The following DMXL1 variants were observed in gnomAD, a reference collection of about 807,000 sequenced individuals.
The protein encoded by DMXL1 is dmX-like protein 1.
A neutral mutation model predicts 319.2 loss-of-function variants in DMXL1; 99 were observed. The observed-to-expected ratio is 0.31, with a 90% CI of 0.26 to 0.37. The LOEUF (loss-of-function observed/expected upper bound fraction) is 0.37. DMXL1 is among the 10% of genes least tolerant of loss of function. DMXL1 has a pLI of 1.00. For synonymous variants in DMXL1, 1,385 were observed against 1,235.2 expected, an observed-to-expected ratio of 1.12 and a Z score of -2.54; for missense variants, 3,745 against 3,595.6, an observed-to-expected ratio of 1.04 and a Z score of -1.06.
At chr5:119,132,388 T>C (rs1278502480) in intron 10 of DMXL1, among the ~76,000 whole-genome samples, 2 of 152,090 alleles carry the variant, frequency 1.3e-5, no homozygotes, top group Non-Finnish European at 2.9e-5. Flanking sequence ...ATTAAGAAAG[T>C]TACATAACTT....
chr5:119,096,940 C>G (rs1756107660), intron 1 of DMXL1, among the ~76,000 whole-genome samples: 1 of 152,116 alleles, frequency 6.6e-6, no homozygotes, highest in African/African-American at 2.4e-5. Flanking sequence ...TGGAATTTAA[C>G]TTTTAATAAT....
chr5:119,177,280 C>A, intron 26 of DMXL1, 77 bp from the exon 27 acceptor site: 1 of 1,043,132 alleles, frequency 9.6e-7, no homozygotes, highest in Non-Finnish European at 1.3e-6. Context: ...AAAATTGATA[C>A]TCTTGAAAGT....
chr5:119,108,912 C>T lies in DMXL1; in HGVS notation c.365-1239C>T, dbSNP rs1758947333. On this transcript the variant is annotated intron_variant, in intron 4 of 43. Transcript: ENST00000539542. ...TGCCTCCCGGGTTCAAGTGATTCTC[C>T]TGCCTCAGCCTCCTGAGTAGCTGGG... 2.0e-5 allele frequency among the ~76,000 whole-genome samples: 3 copies of T among 152,158 alleles called. No individual in the cohort carries two copies. In the South Asian group the frequency reaches 6.2e-4, roughly 32 times the overall value.
chr5:119,137,226 A>T (rs966992684), intron 13 of DMXL1, among the ~76,000 whole-genome samples: 1 of 152,202 alleles, frequency 6.6e-6, no homozygotes, highest in South Asian at 2.1e-4. Flanking sequence ...TCAGACTTGC[A>T]TGGGGCTTAT....
intron 10 of DMXL1, among the ~76,000 whole-genome samples, chr5:119,130,103 A>C (rs1764507404): frequency 6.7e-6 from 1 of 149,942 alleles, no homozygotes; most frequent in Non-Finnish European, 1.5e-5. Flanking sequence ...TTTTTTTTTA[A>C]AGTTTTGTTT....
rs544079959 is a variant in DMXL1, at chr5:119,084,128, C to CTT, written c.87+12481_87+12482dup. Among the ~76,000 whole-genome samples, 588 of 147,862 alleles carry CTT rather than the reference C, an allele frequency of 4.0e-3. 10 individuals carry two copies. The highest frequency in any genetic ancestry group is 0.027 in the South Asian group (127 of 4,666). ...TGTTCATGTATTCCCCCCCTCACCCCTTTTTTTTTTAAGACGGAGTCTTGT... is the reference window on the plus strand; with the variant it reads ...TGTTCATGTATTCCCCCCCTCACCCCTTTTTTTTTTTTAAGACGGAGTCTTGT... On this transcript the variant is annotated intron_variant, in intron 1 of 43. Coordinates refer to ENST00000539542, the MANE Select transcript of DMXL1 (RefSeq NM_001290321.3).
In DMXL1 at chr5:119,092,921, C is replaced by A. The variant is rs1755110996; in HGVS notation, c.88-5058C>A. Among the ~76,000 whole-genome samples, 3 of 152,226 alleles carry A rather than the reference C, an allele frequency of 2.0e-5. 1 individual carries two copies. The highest frequency in any genetic ancestry group is 6.8e-3 in the Middle Eastern group (2 of 294). ...CAGTTGATGGACATTTGAGTTGTTT[C>A]CCTTTGTGGCCATTATGAATAATGC... On this transcript the variant is annotated intron_variant, in intron 1 of 43. Transcript: ENST00000539542.
At chr5:119,242,474 A>G (rs945142588) in intron 42 of DMXL1, among the ~76,000 whole-genome samples, 2 of 152,246 alleles carry the variant, frequency 1.3e-5, no homozygotes, top group Admixed American at 6.5e-5. Flanking sequence ...AAGAAGATCT[A>G]AATAAATGAG....
intron 32 of DMXL1, among the ~76,000 whole-genome samples, chr5:119,202,885 T>TATATATATA (rs1554139437): frequency 4.6e-5 from 6 of 130,786 alleles, no homozygotes; most frequent in Non-Finnish European, 6.3e-5. Flanking sequence ...ATATATATTT[T>TATATATATA]TATATATATA....
At chr5:119,173,776 G>GTGTGTATATGTATATATATATATATA in intron 25 of DMXL1, among the ~76,000 whole-genome samples, 2 of 67,170 alleles carry the variant, frequency 3.0e-5, no homozygotes, top group African/African-American at 1.1e-4. Context: ...ATGTGTGTGT[G>GTGTGTATATGTATATATATATATATA]TATATATATA....
In DMXL1 at chr5:119,087,862, C is replaced by T. The variant is rs189665529; in HGVS notation, c.88-10117C>T. ...TGTTGCCCAGGCTGGAGTGCAATGG[C>T]GCTATCTCTGCTAACTGCACCCTCT... On this transcript the variant is annotated intron_variant, in intron 1 of 43. Transcript: ENST00000539542. 2.1e-3 allele frequency among the ~76,000 whole-genome samples: 325 copies of T among 152,052 alleles called. 1 individual carries two copies. The highest frequency in any genetic ancestry group is 5.8e-3 in the South Asian group (28 of 4,818).
chr5:119,134,906 C>T (rs537875413), intron 13 of DMXL1, among the ~76,000 whole-genome samples: 3 of 152,314 alleles, frequency 2.0e-5, no homozygotes, highest in East Asian at 3.9e-4. Context: ...AACAAGCAAG[C>T]GTTTCCACTT....
intron 37 of DMXL1, among the ~76,000 whole-genome samples, chr5:119,222,992 A>G (rs1784897300): frequency 6.7e-6 from 1 of 148,486 alleles, no homozygotes; most frequent in South Asian, 2.1e-4. Flanking sequence ...CAGTCACCTT[A>G]TATTTTATCA....
intron 37 of DMXL1, among the ~76,000 whole-genome samples, chr5:119,222,064 A>G (rs776780516): frequency 3.9e-5 from 6 of 152,140 alleles, no homozygotes; most frequent in Non-Finnish European, 8.8e-5. Context: ...ATTATTTTTC[A>G]TTAATTAGTA....
intron 37 of DMXL1, among the ~76,000 whole-genome samples, chr5:119,221,894 C>G (rs958432207): frequency 2.6e-5 from 4 of 151,026 alleles, no homozygotes; most frequent in African/African-American, 9.7e-5. Flanking sequence ...CTTTTTTAGC[C>G]CTGATTACCT....
intron 32 of DMXL1, among the ~76,000 whole-genome samples, chr5:119,201,190 T>C (rs977410753): frequency 3.0e-4 from 45 of 152,302 alleles, no homozygotes; most frequent in African/African-American, 1.0e-3. Flanking sequence ...TTCAGTATGA[T>C]GTTGGCTGTG....
chr5:119,108,526 T>G (rs555346607), intron 4 of DMXL1, among the ~76,000 whole-genome samples: 12 of 152,192 alleles, frequency 7.9e-5, no homozygotes, highest in African/African-American at 2.4e-4. Flanking sequence ...CAGGCTTGAG[T>G]GATCCTTTCA....
chr5:119,154,292 T>C lies in DMXL1; in HGVS notation c.4702+2256T>C, dbSNP rs1007197630. On this transcript the variant is annotated intron_variant, in intron 19 of 43. Transcript: ENST00000539542. ...AAGGAAGGCATGTTGAAAGCCGAGATAGGCTGAAAGCTAAGCCTCTTGTGC... is the reference window on the plus strand; with the variant it reads ...AAGGAAGGCATGTTGAAAGCCGAGACAGGCTGAAAGCTAAGCCTCTTGTGC... Among the ~76,000 whole-genome samples, 7 of 152,242 alleles carry C rather than the reference T, an allele frequency of 4.6e-5. 1 individual carries two copies. Among genetic ancestry groups the C allele is most frequent in the East Asian group, 3.9e-4 (2 of 5,194 alleles).
Position 119,149,572 on chromosome 5 carries a change from C to T in DMXL1, c.3745C>T (p.Pro1249Ser). ...CQWQPSSKQE[P>S]VITDSYSGST... Reference sequence around the variant, plus strand: ...ATGGCAACCATCTTCTAAACAAGAACCTGTTATAACAGATTCGTACAGTGG... The same window carrying T: ...ATGGCAACCATCTTCTAAACAAGAATCTGTTATAACAGATTCGTACAGTGG... Residue 1249 changes from proline to serine, a missense_variant, in exon 18 of 44, where the codon CCT becomes TCT. Transcript: ENST00000539542. The T allele has an allele frequency of 1.9e-6, 3 of 1,613,884 alleles. No individual in the cohort carries two copies. The highest frequency in any genetic ancestry group is 2.5e-6 in the Non-Finnish European group (3 of 1,179,900).
Sources: allele counts gnomAD v4.1 joint callset (sites outside exome capture counted in the v4.1 genomes callset), GRCh38; gene constraint gnomAD v4.1.1; transcripts MANE v1.5; gene names NCBI Gene and HGNC (gene_info 2026-07-23, HGNC 2026-07-21).